TNR: variants seen among roughly 807,000 people sequenced by gnomAD.
TNR encodes the protein tenascin-R.
In TNR, 45 loss-of-function variants were observed where a neutral mutation model predicts 150.4. The observed-to-expected ratio is 0.30, with a 90% CI of 0.24 to 0.38. The LOEUF (loss-of-function observed/expected upper bound fraction) is 0.38. Among genes scored for constraint, TNR ranks in the 10% least tolerant of loss-of-function variants. TNR has a pLI of 1.00. For missense variants in TNR, 1,544 were observed against 1,759.1 expected (o/e 0.88, Z 2.19); for synonymous variants, 687 against 678.4 (o/e 1.01, Z -0.20).
chr1:175,420,591 AC>A (rs1654706386), intron 2 of TNR, among the ~76,000 whole-genome samples: 1 of 152,214 alleles, frequency 6.6e-6, no homozygotes, highest in South Asian at 2.1e-4. Flanking sequence ...TGATCTTCCT[AC>A]CTTTCCCCTT....
At chr1:175,606,802 C>T (rs1336303744) in intron 1 of TNR, among the ~76,000 whole-genome samples, 1 of 152,202 alleles carries the variant, frequency 6.6e-6, no homozygotes, top group Admixed American at 6.5e-5. Context: ...TCTCCTCTGG[C>T]TTTGAACCAA....
At chr1:175,728,519 C>T (rs982578917) in intron 1 of TNR, among the ~76,000 whole-genome samples, 5 of 152,334 alleles carry the variant, frequency 3.3e-5, no homozygotes, top group African/African-American at 9.6e-5. Context: ...GCTGAAGCCT[C>T]ATCACCCAAA....
chr1:175,521,943 A>G (rs992882229), intron 2 of TNR, among the ~76,000 whole-genome samples: 4 of 152,322 alleles, frequency 2.6e-5, no homozygotes, highest in African/African-American at 9.6e-5. Context: ...ATAAATTCTT[A>G]GCCCCTGGAG....
chr1:175,698,119 A>G (rs1050919979), intron 1 of TNR, among the ~76,000 whole-genome samples: 1 of 152,176 alleles, frequency 6.6e-6, no homozygotes, highest in African/African-American at 2.4e-5. Flanking sequence ...TAATCCAATT[A>G]CTATATATTG....
At chr1:175,637,286 G>C (rs1664514651) in intron 1 of TNR, among the ~76,000 whole-genome samples, 2 of 152,196 alleles carry the variant, frequency 1.3e-5, no homozygotes, top group South Asian at 4.1e-4. Flanking sequence ...TGGTGCAGTT[G>C]TCAGCTGTAC....
At chr1:175,671,989 G>A (rs555955136) in intron 1 of TNR, among the ~76,000 whole-genome samples, 2 of 151,052 alleles carry the variant, frequency 1.3e-5, no homozygotes, top group South Asian at 4.2e-4. Context: ...TAACTGAAGG[G>A]CACAGGCTTT....
chr1:175,369,857 T>C (rs756295454), intron 9 of TNR, among the ~76,000 whole-genome samples: 1 of 151,814 alleles, frequency 6.6e-6, no homozygotes, highest in Non-Finnish European at 1.5e-5. Flanking sequence ...AGCCAGGGGG[T>C]TCTTCATCCC....
intron 2 of TNR, among the ~76,000 whole-genome samples, chr1:175,498,092 AAAAAC>A (rs1366696584): frequency 9.2e-5 from 14 of 152,034 alleles, no homozygotes; most frequent in African/African-American, 2.4e-5. Flanking sequence ...CAACAACAAC[AAAAAC>A]AAAACAAAAA....
At position 175,347,951 on chromosome 1, in the gene TNR, A is replaced by G. The variant is rs1415722546; in HGVS notation, c.3382+6440T>C. 2.0e-5 allele frequency among the ~76,000 whole-genome samples: 3 copies of G among 152,146 alleles called. No individual in the cohort carries two copies. The East Asian group carries it at 5.8e-4, about 29-fold the overall frequency. On this transcript the variant is annotated intron_variant, in intron 18 of 22. Transcript: ENST00000367674. ...AATAAATAAGAGGTATAAGAATTAG[A>G]AGTATAGAAATAAAATTGCCATTAT...
chr1:175,726,408 A>AT (rs1396336775), intron 1 of TNR, among the ~76,000 whole-genome samples: 1 of 152,200 alleles, frequency 6.6e-6, no homozygotes, highest in Non-Finnish European at 1.5e-5. Flanking sequence ...GATTGTATAG[A>AT]TTTTCTGCAG....
At chr1:175,617,189 G>A (rs916069047) in intron 1 of TNR, among the ~76,000 whole-genome samples, 4 of 152,110 alleles carry the variant, frequency 2.6e-5, no homozygotes, top group African/African-American at 4.8e-5. Flanking sequence ...TGCCATATTC[G>A]CTGAGAGTTT....
intron 2 of TNR, among the ~76,000 whole-genome samples, chr1:175,459,995 G>A (rs1021869418): frequency 1.3e-5 from 2 of 152,206 alleles, no homozygotes; most frequent in Admixed American, 6.5e-5. Flanking sequence ...GTGTGGGTGA[G>A]TTTTGACATA....
chr1:175,610,474 C>T (rs1053693207), intron 1 of TNR, among the ~76,000 whole-genome samples: 1 of 152,230 alleles, frequency 6.6e-6, no homozygotes, highest in African/African-American at 2.4e-5. Context: ...TTAAGCTTCT[C>T]TTCTGCTCCC....
chr1:175,404,510 G>C (rs1310867802), intron 3 of TNR, among the ~76,000 whole-genome samples: 1 of 152,188 alleles, frequency 6.6e-6, no homozygotes, highest in Non-Finnish European at 1.5e-5. Flanking sequence ...TCAAGTAAAC[G>C]TATTAAACAA....
chr1:175,683,258 A>G (rs1666093948), intron 1 of TNR, among the ~76,000 whole-genome samples: 1 of 152,162 alleles, frequency 6.6e-6, no homozygotes, highest in Admixed American at 6.5e-5. Flanking sequence ...TAAAGACCTC[A>G]CGGAGATCTA....
intron 1 of TNR, among the ~76,000 whole-genome samples, chr1:175,693,436 G>T (rs1026725471): frequency 2.6e-5 from 4 of 152,186 alleles, no homozygotes; most frequent in Non-Finnish European, 5.9e-5. Context: ...TTACCTGTTT[G>T]CCAGGGCCCT....
At chr1:175,644,055 C>T (rs1047982974) in intron 1 of TNR, among the ~76,000 whole-genome samples, 1 of 152,220 alleles carries the variant, frequency 6.6e-6, no homozygotes, top group Non-Finnish European at 1.5e-5. Flanking sequence ...AACATTATTA[C>T]TTTAAAAAGT....
In TNR at chr1:175,649,862, C is replaced by T. The variant is rs755892266; in HGVS notation, c.-165+93364G>A. 1.1e-4 allele frequency among the ~76,000 whole-genome samples: 17 copies of T among 152,318 alleles called. No homozygotes were observed. In the South Asian group the frequency reaches 1.2e-3, roughly 11 times the overall value. ...CTACCTGGGGCTCCTCACATGCACC[C>T]TCTGTATTCTCCTGATCCATATCTT... On this transcript the variant is annotated intron_variant, in intron 1 of 22. Transcript: ENST00000367674.
intron 1 of TNR, among the ~76,000 whole-genome samples, chr1:175,585,482 T>C (rs757703531): frequency 5.9e-5 from 9 of 152,202 alleles, no homozygotes; most frequent in Non-Finnish European, 1.0e-4. Flanking sequence ...TCCCATTTTA[T>C]GGATGAGAAA....
Sources: allele counts gnomAD v4.1 joint callset (sites outside exome capture counted in the v4.1 genomes callset), GRCh38; gene constraint gnomAD v4.1.1; transcripts MANE v1.5; gene names NCBI Gene and HGNC (gene_info 2026-07-23, HGNC 2026-07-21).